Variants in PLOD2 observed in about 807,000 individuals in gnomAD.
PLOD2 encodes procollagen-lysine,2-oxoglutarate 5-dioxygenase 2, also known as lysine hydroxylase 2.
PLOD2 carries 65 observed loss-of-function variants against 101.0 expected under a neutral mutation model. The ratio of observed to expected loss-of-function variants is 0.64; its 90% confidence interval spans 0.53 to 0.79. The LOEUF (loss-of-function observed/expected upper bound fraction) is 0.79. PLOD2 is among the 30% of genes least tolerant of loss of function. The pLI is 0.00. For synonymous variants in PLOD2, 314 were observed against 302.9 expected, an observed-to-expected ratio of 1.04 and a Z score of -0.38; for missense variants, 909 against 914.6, an observed-to-expected ratio of 0.99 and a Z score of 0.08.
chr3:146,117,168 C>G (rs1937950518), intron 3 of PLOD2, among the ~76,000 whole-genome samples: 1 of 152,102 alleles, frequency 6.6e-6, no homozygotes, highest in Non-Finnish European at 1.5e-5. Flanking sequence ...AAAGGCTCAT[C>G]TAAACCACTA....
At chr3:146,159,268 A>C (rs2032451895) in intron 1 of PLOD2, among the ~76,000 whole-genome samples, 1 of 152,208 alleles carries the variant, frequency 6.6e-6, no homozygotes, top group South Asian at 2.1e-4. Flanking sequence ...CATACCTAAA[A>C]TTCTCTTTCT....
At chr3:146,075,750 T>C (rs1402431380) in intron 15 of PLOD2, among the ~76,000 whole-genome samples, 1 of 151,658 alleles carries the variant, frequency 6.6e-6, no homozygotes, top group Non-Finnish European at 1.5e-5. Flanking sequence ...TGATTAAAAC[T>C]GGATGGTGCT....
At chr3:146,143,226 T>C (rs2031613835) in intron 1 of PLOD2, among the ~76,000 whole-genome samples, 1 of 151,904 alleles carries the variant, frequency 6.6e-6, no homozygotes, top group Non-Finnish European at 1.5e-5. Flanking sequence ...TAAGTTTTAA[T>C]AGTAAGTATT....
intron 3 of PLOD2, among the ~76,000 whole-genome samples, chr3:146,113,676 T>A (rs1287869299): frequency 6.6e-6 from 1 of 152,188 alleles, no homozygotes; most frequent in African/African-American, 2.4e-5. Context: ...CCCGTCATCT[T>A]CGTAAGCTGA....
chr3:146,073,528 TTA>T, intron 15 of PLOD2, 176 bp from the exon 16 acceptor site: 1 of 325,644 alleles, frequency 3.1e-6, no homozygotes, highest in Non-Finnish European at 5.9e-6. Flanking sequence ...CTGAATATGC[TTA>T]TGTCATTCTA....
chr3:146,085,536 GCATAAA>G, intron 10 of PLOD2: 2 of 502,276 alleles, frequency 4.0e-6, no homozygotes, highest in Non-Finnish European at 7.0e-6. Flanking sequence ...ATATTTTAAG[GCATAAA>G]ACATCCACAA....
At chr3:146,082,561 C>T (rs1238402657) in intron 11 of PLOD2, among the ~76,000 whole-genome samples, 2 of 151,986 alleles carry the variant, frequency 1.3e-5, no homozygotes, top group Admixed American at 6.6e-5. Flanking sequence ...GAAGACCAGC[C>T]GGGCCCTTTC....
chr3:146,155,324 T>TAAAC lies in PLOD2; in HGVS notation c.109+5556_109+5557insGTTT, dbSNP rs557493654. Among the ~76,000 whole-genome samples the TAAAC allele has an allele frequency of 5.4e-3, 783 of 145,216 alleles. 3 individuals are homozygous for TAAAC. Among genetic ancestry groups the TAAAC allele is most frequent in the Middle Eastern group, 0.021 (6 of 290 alleles). On this transcript the variant is annotated intron_variant, in intron 1 of 19. Transcript: ENST00000282903. Reference sequence around the variant, plus strand: ...GACCTACAGAGTGAGACCCTGTCTATAAATAAATTAATTAATTAATTAATT... The same window carrying TAAAC: ...GACCTACAGAGTGAGACCCTGTCTATAAACAAATAAATTAATTAATTAATTAATT...
chr3:146,083,879 C>T (rs1936665449), intron 11 of PLOD2, among the ~76,000 whole-genome samples: 4 of 151,720 alleles, frequency 2.6e-5, no homozygotes. Flanking sequence ...CCACACCCGG[C>T]CGGGAATTTT....
intron 9 of PLOD2, among the ~76,000 whole-genome samples, chr3:146,087,176 T>TC (rs1936807922): frequency 1.3e-5 from 2 of 151,972 alleles, no homozygotes; most frequent in Admixed American, 1.3e-4. Flanking sequence ...AGTCTTTGTA[T>TC]AAATACTTAA....
chr3:146,096,513 G>C (rs1475727463), intron 7 of PLOD2, among the ~76,000 whole-genome samples: 68 of 99,576 alleles, frequency 6.8e-4, no homozygotes, highest in African/African-American at 2.7e-3. Context: ...CGTCTGAGAT[G>C]TGGGGAGCAC....
At chr3:146,077,134 A>C in intron 14 of PLOD2, 11 of 1,146,606 alleles carry the variant, frequency 9.6e-6, no homozygotes, top group Non-Finnish European at 1.1e-5. Flanking sequence ...AAAAAGAAGA[A>C]TGGACTGTTT....
rs2030099983 is a variant in PLOD2, at chr3:146,121,046, A to G, written c.338+66T>C. ...ATATTTTAATACATCATCTACAAAT[A>G]TAAATCTCAGCTCTTTAAAAAGTAA... is the stretch of plus-strand genomic sequence containing the variant. On this transcript the variant is annotated intron_variant, in intron 3 of 19. Transcript: ENST00000282903. The G allele has an allele frequency of 2.4e-6, 3 of 1,266,822 alleles. No homozygotes were observed. In the Admixed American group the frequency reaches 5.1e-5, roughly 21 times the overall value. 78.5% of individuals were successfully genotyped at this position (1,266,822 alleles called of 1,614,324 possible). A position where few individuals can be genotyped will look rare whatever the true frequency, so the allele number is the denominator to read the frequency against.
intron 7 of PLOD2, among the ~76,000 whole-genome samples, chr3:146,098,947 T>C (rs1047790483): frequency 5.3e-5 from 8 of 152,294 alleles, no homozygotes; most frequent in African/African-American, 1.9e-4. Context: ...GACATACTCA[T>C]TTGAATTTAT....
intron 5 of PLOD2, 114 bp from the exon 6 acceptor site, chr3:146,104,456 C>T (rs1372759954): frequency 1.5e-6 from 1 of 655,426 alleles, no homozygotes; most frequent in Non-Finnish European, 2.7e-6. Flanking sequence ...ATTCTTATAT[C>T]TTAAGTGTCT....
chr3:146,081,524 G>A (rs1462787481), intron 12 of PLOD2, among the ~76,000 whole-genome samples: 1 of 152,062 alleles, frequency 6.6e-6, no homozygotes, highest in East Asian at 1.9e-4. Flanking sequence ...ACAGCAATGA[G>A]CTTGTTCCTT....
chr3:146,125,394 C>A (rs1167781182), intron 1 of PLOD2, among the ~76,000 whole-genome samples: 2 of 151,564 alleles, frequency 1.3e-5, no homozygotes, highest in African/African-American at 4.8e-5. Context: ...AATAGTCAAC[C>A]AAAAAAAATA....
At chr3:146,099,729 A>T (rs972466060) in intron 7 of PLOD2, among the ~76,000 whole-genome samples, 1 of 152,048 alleles carries the variant, frequency 6.6e-6, no homozygotes, top group African/African-American at 2.4e-5. Flanking sequence ...AAGGAGGAAC[A>T]GAACACTATG....
intron 10 of PLOD2, chr3:146,086,546 T>C (rs1440700424): frequency 3.9e-6 from 1 of 254,612 alleles, no homozygotes; most frequent in Non-Finnish European, 7.4e-6. Flanking sequence ...CTTACCTTGA[T>C]TCATCATTTG....
Sources: allele counts gnomAD v4.1 joint callset (sites outside exome capture counted in the v4.1 genomes callset), GRCh38; gene constraint gnomAD v4.1.1; transcripts MANE v1.5; gene names NCBI Gene and HGNC (gene_info 2026-07-23, HGNC 2026-07-21).